CSNK2A2: variants seen among roughly 807,000 people sequenced by gnomAD.
CSNK2A2 encodes the protein casein kinase II subunit alpha'.
Under a neutral mutation model 54.0 loss-of-function variants are expected in CSNK2A2, and 8 were observed. That is an observed-to-expected ratio of 0.15 (90% CI 0.09 to 0.27). The LOEUF (loss-of-function observed/expected upper bound fraction) is 0.27. Among genes scored for constraint, CSNK2A2 ranks in the 10% least tolerant of loss-of-function variants. The probability of loss-of-function intolerance (pLI) is 1.00; values close to 1 mark genes in which losing one functional copy is unlikely to be tolerated. For synonymous variants in CSNK2A2, 141 were observed against 153.9 expected (o/e 0.92, Z 0.62); for missense variants, 242 against 439.4 (o/e 0.55, Z 4.02).
At chr16:58,184,140 T>C (rs1158598766) in intron 4 of CSNK2A2, 120 bp downstream of exon 4, 3 of 707,360 alleles carry the variant, frequency 4.2e-6, no homozygotes, top group Non-Finnish European at 7.0e-6. Context: ...GGAACCCAAT[T>C]TGTTATTTCC....
At chr16:58,164,251 C>T (rs1961495251) in intron 10 of CSNK2A2, 104 bp from the exon 11 acceptor site, 9 of 985,914 alleles carry the variant, frequency 9.1e-6, no homozygotes, top group Non-Finnish European at 1.4e-5. Flanking sequence ...GACTGATGGG[C>T]AAGCCAGGGT....
chr16:58,190,323 T>C (rs755399173), intron 2 of CSNK2A2, among the ~76,000 whole-genome samples: 27 of 152,148 alleles, frequency 1.8e-4, no homozygotes, highest in Non-Finnish European at 3.5e-4. Flanking sequence ...CTACAGCTCC[T>C]AGCTCTCAAA....
chr16:58,174,023 G>A (rs564606309), intron 5 of CSNK2A2: 2 of 153,556 alleles, frequency 1.3e-5, no homozygotes, highest in African/African-American at 4.8e-5. Flanking sequence ...GTCCTAGATT[G>A]TGAATGAGGT....
chr16:58,197,649 G>A lies in CSNK2A2; in HGVS notation c.88C>T (p.His30Tyr). Residue 30 changes from histidine to tyrosine, a missense_variant, in exon 1 of 12, where the codon CAC (histidine) becomes TAC (tyrosine). His to Tyr is a moderately conservative substitution (Grantham distance 83). Coordinates refer to ENST00000262506, the MANE Select transcript of CSNK2A2 (RefSeq NM_001896.4). The surrounding 1 kb of genome is among the most constrained non-coding windows in gnomAD (Gnocchi z 4.0). ...RSREYWDYEA[H>Y]VPSWGNQDDY... Reference sequence around the variant, plus strand: ...CGGCTTTACCCCCAGCTCGGGACGTGAGCCTCGTAGTCCCAGTACTCGCGG... The same window carrying A: ...CGGCTTTACCCCCAGCTCGGGACGTAAGCCTCGTAGTCCCAGTACTCGCGG... The A allele has an allele frequency of 1.9e-6, 3 of 1,573,142 alleles. No homozygotes were observed. Among genetic ancestry groups the A allele is most frequent in the South Asian group, 1.2e-5 (1 of 86,642 alleles).
At chr16:58,196,701 A>T (rs1376731691) in intron 2 of CSNK2A2, 32 bp downstream of exon 2, 2 of 1,449,002 alleles carry the variant, frequency 1.4e-6, no homozygotes, top group Non-Finnish European at 1.9e-6. Flanking sequence ...TGTGGGGAGG[A>T]AAATGTTACA....
rs375738911 is a variant in CSNK2A2 at position 58,178,522 on chromosome 16, T to C, written c.370-4012A>G. 4.0e-3 allele frequency among the ~76,000 whole-genome samples: 614 copies of C among 152,270 alleles called. 6 individuals carry two copies. The highest frequency in any genetic ancestry group is 0.014 in the African/African-American group (583 of 41,550). On this transcript the variant is annotated intron_variant, in intron 4 of 11. Transcript: ENST00000262506. The stretch of plus-strand genomic sequence containing the variant: ...GTCTCTAACTCCCGACCTCAGGTGA[T>C]CTGCCTGCTTCGGCCTCCCAAAATG...
intron 5 of CSNK2A2, among the ~76,000 whole-genome samples, chr16:58,172,839 G>A (rs1309920108): frequency 6.6e-6 from 1 of 152,140 alleles, no homozygotes. Flanking sequence ...TGTCCTCACT[G>A]CCTAGCTGCT....
rs150485842 is a variant in CSNK2A2, at chr16:58,174,574, C to A, written c.370-64G>T. ...TCACTGCATCTTGTCATCCTAAGTGCAGGCCATTCTCTAAGCTTATTTGAT... is the reference window on the plus strand; with the variant it reads ...TCACTGCATCTTGTCATCCTAAGTGAAGGCCATTCTCTAAGCTTATTTGAT... On this transcript the variant is annotated intron_variant, in intron 4 of 11. Coordinates refer to ENST00000262506, the MANE Select transcript of CSNK2A2 (RefSeq NM_001896.4). 252 of 1,326,358 alleles carry A rather than the reference C, an allele frequency of 1.9e-4. 1 individual carries two copies. In the East Asian group the frequency reaches 5.8e-3, roughly 30 times the overall value. 82.2% of individuals were successfully genotyped at this position (1,326,358 alleles called of 1,614,324 possible).
chr16:58,167,562 C>T, intron 7 of CSNK2A2, 123 bp downstream of exon 7: 2 of 747,830 alleles, frequency 2.7e-6, no homozygotes, highest in Non-Finnish European at 4.3e-6. Flanking sequence ...AAACTAAAAT[C>T]AGCATTTTAG....
intron 10 of CSNK2A2, 107 bp from the exon 11 acceptor site, chr16:58,164,254 G>A (rs749762760): frequency 2.1e-6 from 2 of 951,466 alleles, no homozygotes; most frequent in Admixed American, 2.0e-5. Flanking sequence ...TGATGGGCAA[G>A]CCAGGGTCAG....
chr16:58,195,063 T>G (rs1251673174), intron 2 of CSNK2A2, among the ~76,000 whole-genome samples: 2 of 152,158 alleles, frequency 1.3e-5, no homozygotes, highest in African/African-American at 4.8e-5. Flanking sequence ...AATATGGATA[T>G]TCCTAATTTC....
rs1295895499 is a variant in CSNK2A2 at position 58,171,977 on chromosome 16, ATATTTT to A, written c.429+2468_429+2473del. ...AGCATGCATATATATATATATATATATATTTTTTTTTTTTTTTTTTTTTTGGTAGCT... is the reference window on the plus strand; with the variant it reads ...AGCATGCATATATATATATATATATATTTTTTTTTTTTTTTTTTGGTAGCT... On this transcript the variant is annotated intron_variant, in intron 5 of 11. Coordinates refer to ENST00000262506, the MANE Select transcript of CSNK2A2 (RefSeq NM_001896.4). Among the ~76,000 whole-genome samples, 71 of 34,300 alleles carry A rather than the reference ATATTTT, an allele frequency of 2.1e-3. 1 individual carries two copies. The highest frequency in any genetic ancestry group is 5.6e-3 in the East Asian group (9 of 1,602). The allele number at this position is 34,300 out of a possible 152,430, so 22.5% of individuals were successfully genotyped here.
chr16:58,186,169 G>T (rs1264767677), intron 3 of CSNK2A2, among the ~76,000 whole-genome samples: 2 of 152,182 alleles, frequency 1.3e-5, no homozygotes, highest in Admixed American at 6.5e-5. Context: ...CCTAGGGAGA[G>T]AAAACAAAAT....
At chr16:58,188,187 A>C (rs1191412823) in intron 2 of CSNK2A2, among the ~76,000 whole-genome samples, 1 of 152,164 alleles carries the variant, frequency 6.6e-6, no homozygotes, top group African/African-American at 2.4e-5. Flanking sequence ...ATCACCTATA[A>C]CAGGGGGCTC....
chr16:58,168,811 G>A, intron 5 of CSNK2A2, 118 bp from the exon 6 acceptor site: 1 of 739,914 alleles, frequency 1.4e-6, no homozygotes, highest in Middle Eastern at 2.7e-4. Flanking sequence ...CGGGCAGCTT[G>A]CTGCCTGTAA....
At chr16:58,171,984 T>A (rs1365042762) in intron 5 of CSNK2A2, among the ~76,000 whole-genome samples, 9,755 of 60,310 alleles carry the variant, frequency 0.16, 237 homozygotes, top group Non-Finnish European at 0.19. Flanking sequence ...TATATATTTT[T>A]TTTTTTTTTT....
At chr16:58,190,358 C>T (rs1962296368) in intron 2 of CSNK2A2, among the ~76,000 whole-genome samples, 1 of 151,988 alleles carries the variant, frequency 6.6e-6, no homozygotes. Flanking sequence ...TACTCTACTA[C>T]CAAACTAACA....
In CSNK2A2 at chr16:58,197,701, G is replaced by C; in HGVS notation, c.36C>G (p.Val12=). The stretch of plus-strand genomic sequence containing the variant: ...TCCTCAGACTGTTCACCTCGGCGTA[G>C]ACCCGGGCCCTGCTGCCCGCGGCCG... ...PGPAAGSRAR[V]YAEVNSLRSR... Residue 12 remains valine (V), a synonymous_variant, in exon 1 of 12, where the codon GTC becomes GTG. Coordinates refer to ENST00000262506, the MANE Select transcript of CSNK2A2 (RefSeq NM_001896.4). The surrounding 1 kb of genome is among the most constrained non-coding windows in gnomAD (Gnocchi z 4.0). The C allele has an allele frequency of 6.5e-7, 1 of 1,539,806 alleles. No individual in the cohort carries two copies. The highest frequency in any genetic ancestry group is 1.2e-5 in the South Asian group (1 of 83,478).
chr16:58,171,979 A>ATATATATATTTT (rs1261137669), intron 5 of CSNK2A2, among the ~76,000 whole-genome samples: 3 of 66,186 alleles, frequency 4.5e-5, no homozygotes, highest in South Asian at 1.3e-3. Flanking sequence ...ATATATATAT[A>ATATATATATTTT]TTTTTTTTTT....
Sources: allele counts gnomAD v4.1 joint callset (sites outside exome capture counted in the v4.1 genomes callset), GRCh38; gene constraint gnomAD v4.1.1; non-coding constraint Gnocchi (gnomAD v3.1); transcripts MANE v1.5; gene names NCBI Gene and HGNC (gene_info 2026-07-23, HGNC 2026-07-21).